The following GPC5 variants were observed in gnomAD, a reference collection of about 807,000 sequenced individuals.
The protein encoded by GPC5 is glypican 5.
A neutral mutation model predicts 53.9 loss-of-function variants in GPC5; 47 were observed. That is an observed-to-expected ratio of 0.87 (90% confidence interval 0.69 to 1.11). GPC5 has a LOEUF of 1.11. Ranked by LOEUF, GPC5 falls within the 50% of genes most tolerant of loss-of-function variation. GPC5 has a pLI of 0.00. For synonymous variants in GPC5, 286 were observed against 263.3 expected (o/e 1.09, Z -0.84); for missense variants, 748 against 713.1 (o/e 1.05, Z -0.56).
chr13:92,664,207 GAA>G, intron 7 of GPC5, among the ~76,000 whole-genome samples: 1 of 151,994 alleles, frequency 6.6e-6, no homozygotes. Flanking sequence ...TGAATCATCA[GAA>G]ATCAAATACC....
chr13:92,076,510 T>C (rs1443039856), intron 6 of GPC5, among the ~76,000 whole-genome samples: 8 of 152,142 alleles, frequency 5.3e-5, no homozygotes, highest in Non-Finnish European at 5.9e-5. Context: ...AGAATATAAA[T>C]AAATAAAATT....
chr13:92,326,506 G>T (rs1425754880), intron 7 of GPC5, among the ~76,000 whole-genome samples: 3 of 151,928 alleles, frequency 2.0e-5, no homozygotes, highest in Non-Finnish European at 2.9e-5. Flanking sequence ...ATTAGTCTTT[G>T]TATTATGTTT....
At position 91,522,850 on chromosome 13, in the gene GPC5, C is replaced by CT. The variant is rs553564606; in HGVS notation, c.325+73935dup. On this transcript the variant is annotated intron_variant, in intron 2 of 7. Transcript: ENST00000377067. The stretch of plus-strand genomic sequence containing the variant: ...TCCCTGCAAAGGACATGAACTCATC[C>CT]TTTTTTTGGCTGCATAGTATTCCAT... Among the ~76,000 whole-genome samples, 167 of 152,208 alleles carry CT rather than the reference C, an allele frequency of 1.1e-3. 1 individual carries two copies. Among genetic ancestry groups the CT allele is most frequent in the African/African-American group, 3.8e-3 (159 of 41,514 alleles).
intron 7 of GPC5, among the ~76,000 whole-genome samples, chr13:92,782,593 A>G (rs1369768608): frequency 6.6e-6 from 1 of 152,180 alleles, no homozygotes; most frequent in East Asian, 1.9e-4. Context: ...ACCCTACGGC[A>G]GTCACGCGTT....
intron 7 of GPC5, among the ~76,000 whole-genome samples, chr13:92,824,187 A>T (rs956083380): frequency 1.3e-5 from 2 of 151,818 alleles, no homozygotes; most frequent in African/African-American, 4.8e-5. Flanking sequence ...ATCATCTTAC[A>T]CCAGTCTACA....
intron 2 of GPC5, among the ~76,000 whole-genome samples, chr13:91,558,453 T>C (rs1181786867): frequency 7.9e-5 from 12 of 152,088 alleles, no homozygotes. Flanking sequence ...GTGGACCATG[T>C]AAATATTTGT....
At chr13:91,806,850 A>G (rs1266071802) in intron 5 of GPC5, among the ~76,000 whole-genome samples, 2 of 152,216 alleles carry the variant, frequency 1.3e-5, no homozygotes, top group African/African-American at 4.8e-5. Context: ...AAGCCAAAAC[A>G]AATGAACTCA....
intron 7 of GPC5, among the ~76,000 whole-genome samples, chr13:92,734,839 G>T (rs1213544379): frequency 1.3e-5 from 2 of 151,746 alleles, no homozygotes; most frequent in African/African-American, 4.8e-5. Context: ...CAAATACTTT[G>T]CAGTCTTCCT....
At chr13:92,444,715 T>TAAAA (rs71910602) in intron 7 of GPC5, among the ~76,000 whole-genome samples, 13 of 84,188 alleles carry the variant, frequency 1.5e-4, no homozygotes, top group Admixed American at 2.9e-4. Flanking sequence ...TCCTGAAATC[T>TAAAA]AAAAAAAAAA....
intron 7 of GPC5, among the ~76,000 whole-genome samples, chr13:92,520,614 A>AT (rs764056827): frequency 2.0e-5 from 3 of 152,196 alleles, no homozygotes; most frequent in Non-Finnish European, 2.9e-5. Flanking sequence ...TAAATTAGGT[A>AT]TTGATGGGAC....
chr13:91,806,220 G>T (rs2038218711), intron 5 of GPC5, among the ~76,000 whole-genome samples: 1 of 151,288 alleles, frequency 6.6e-6, no homozygotes, highest in South Asian at 2.1e-4. Flanking sequence ...TGTTTTAGTA[G>T]AGAGTGGGTT....
At chr13:92,664,841 C>A (rs776228785) in intron 7 of GPC5, among the ~76,000 whole-genome samples, 15 of 151,990 alleles carry the variant, frequency 9.9e-5, no homozygotes, top group Non-Finnish European at 2.1e-4. Flanking sequence ...CACTAAGAAT[C>A]AATCTAGATG....
In GPC5 at chr13:92,554,938, T is replaced by G. The variant is rs1005845815; in HGVS notation, c.1562-311344T>G. ...TTCATAACCTCATGTAAGTTTTGAG[T>G]TTGTTTTTTTTTTATTTTTCTCTAT... On this transcript the variant is annotated intron_variant, in intron 7 of 7. Coordinates refer to ENST00000377067, the MANE Select transcript of GPC5 (RefSeq NM_004466.6). Among the ~76,000 whole-genome samples the G allele has an allele frequency of 7.6e-3, 242 of 31,964 alleles. 1 individual carries two copies. The highest frequency in any genetic ancestry group is 0.064 in the African/African-American group (235 of 3,698). 21.0% of individuals were successfully genotyped at this position (31,964 alleles called of 152,430 possible). A position where few individuals can be genotyped will look rare whatever the true frequency, so the allele number is the denominator to read the frequency against.
At chr13:92,367,808 A>G (rs2043617797) in intron 7 of GPC5, among the ~76,000 whole-genome samples, 1 of 152,172 alleles carries the variant, frequency 6.6e-6, no homozygotes, top group Admixed American at 6.5e-5. Context: ...AGTGACCTGG[A>G]ATGAAATATA....
chr13:91,848,403 T>C (rs1302590303), intron 5 of GPC5, among the ~76,000 whole-genome samples: 1 of 152,186 alleles, frequency 6.6e-6, no homozygotes, highest in Non-Finnish European at 1.5e-5. Flanking sequence ...CTTAATCCTG[T>C]CCACAGAAAC....
chr13:92,180,825 A>G (rs1054247031), intron 7 of GPC5: 3 of 228,146 alleles, frequency 1.3e-5, no homozygotes, highest in Non-Finnish European at 2.6e-5. Context: ...TTCCCATCCC[A>G]ATCCTGATGC....
intron 7 of GPC5, among the ~76,000 whole-genome samples, chr13:92,565,826 T>C (rs1882846595): frequency 6.6e-6 from 1 of 152,040 alleles, no homozygotes; most frequent in Non-Finnish European, 1.5e-5. Flanking sequence ...AGATGATACA[T>C]TTTTCTTTCA....
rs114665203 is a variant in GPC5 at position 91,981,894 on chromosome 13, A to G, written c.1401+73837A>G. 5.0e-3 allele frequency among the ~76,000 whole-genome samples: 754 copies of G among 152,320 alleles called. 7 individuals are homozygous for G. The highest frequency in any genetic ancestry group is 0.017 in the African/African-American group (700 of 41,560). The stretch of plus-strand genomic sequence containing the variant: ...AAGTGAATAATGAAGGATTTGAAGG[A>G]TAAGAGTTAGCTCAGTAAACAGGGA... On this transcript the variant is annotated intron_variant, in intron 6 of 7. Transcript: ENST00000377067.
chr13:92,568,389 A>T (rs1393465309), intron 7 of GPC5, among the ~76,000 whole-genome samples: 1 of 152,210 alleles, frequency 6.6e-6, no homozygotes, highest in Non-Finnish European at 1.5e-5. Context: ...AACTATAAGT[A>T]AAAAAGACAA....
Sources: gnomAD v4.1 joint callset for allele counts (sites outside exome capture counted in the v4.1 genomes callset) on GRCh38, gnomAD v4.1.1 for gene constraint, MANE v1.5 for transcripts, NCBI Gene and HGNC (gene_info 2026-07-23, HGNC 2026-07-21) for gene names.